Variants in SHLD1 observed in about 807,000 individuals in gnomAD.
SHLD1 encodes the protein shieldin complex subunit 1, also known as RINN1-REV7-interacting novel NHEJ regulator 3.
SHLD1 carries 3 observed loss-of-function variants against 5.5 expected under a neutral mutation model. The ratio of observed to expected loss-of-function variants is 0.54; its 90% CI spans 0.25 to 1.40. The LOEUF is 1.40. SHLD1 is among the 40% of genes most tolerant of loss of function. SHLD1 has a pLI of 0.15. For missense variants in SHLD1, 210 were observed against 244.4 expected, an observed-to-expected ratio of 0.86 and a Z score of 0.94; for synonymous variants, 92 against 94.3, an observed-to-expected ratio of 0.98 and a Z score of 0.14.
At chr20:5,854,202 C>T (rs1411121631) in intron 2 of SHLD1, among the ~76,000 whole-genome samples, 1 of 152,098 alleles carries the variant, frequency 6.6e-6, no homozygotes, top group Non-Finnish European at 1.5e-5. Context: ...GATGGGGTTT[C>T]ACCATGTTGG....
chr20:5,842,580 T>C lies in SHLD1; in HGVS notation c.179-20444T>C, dbSNP rs140712584. ...CACCCATTAACTCGTTGTCTCATTG[T>C]GCATTGCCTTTCCTTCGTTCTCTCT... On this transcript the variant is annotated intron_variant, in intron 2 of 2. Transcript: ENST00000303142. 1.4e-3 allele frequency among the ~76,000 whole-genome samples: 216 copies of C among 152,390 alleles called. 2 individuals are homozygous for C. Among genetic ancestry groups the C allele is most frequent in the Non-Finnish European group, 7.5e-4 (51 of 68,044 alleles).
intron 2 of SHLD1, among the ~76,000 whole-genome samples, chr20:5,777,882 G>T (rs569341493): frequency 6.6e-6 from 1 of 152,204 alleles, no homozygotes; most frequent in East Asian, 1.9e-4. Flanking sequence ...AGAGGTGGAA[G>T]GAGTTTTAGG....
rs372221116 is a variant in SHLD1 at position 5,811,840 on chromosome 20, T to G, written c.178+38797T>G. Among the ~76,000 whole-genome samples, 21 of 148,102 alleles carry G rather than the reference T, an allele frequency of 1.4e-4. No homozygotes were observed. In the East Asian group the frequency reaches 4.2e-3, roughly 30 times the overall value. ...CACTGCACTCCAGCCTGGGCAACAA[T>G]GTGAAACTGTGTCTCTGAAAAAAAA... is the stretch of plus-strand genomic sequence containing the variant. On this transcript the variant is annotated intron_variant, in intron 2 of 2. Coordinates refer to ENST00000303142, the MANE Select transcript of SHLD1 (RefSeq NM_152504.4).
chr20:5,813,216 T>C (rs960579986), intron 2 of SHLD1, among the ~76,000 whole-genome samples: 6 of 151,746 alleles, frequency 4.0e-5, no homozygotes, highest in Non-Finnish European at 7.4e-5. Context: ...GGCTGGGTGC[T>C]GTGGCTCACG....
chr20:5,852,323 A>G (rs2088021299), intron 2 of SHLD1, among the ~76,000 whole-genome samples: 7 of 152,168 alleles, frequency 4.6e-5, no homozygotes, highest in Admixed American at 4.6e-4. Context: ...CCAGTGCTAC[A>G]TATGGCTAGT....
intron 2 of SHLD1, among the ~76,000 whole-genome samples, chr20:5,822,903 ATG>A (rs1019459211): frequency 2.6e-5 from 4 of 151,548 alleles, no homozygotes; most frequent in African/African-American, 9.7e-5. Context: ...GCTATGAAAG[ATG>A]TGTCTTATTT....
At position 5,857,787 on chromosome 20, in the gene SHLD1, G is replaced by A. The variant is rs527327631; in HGVS notation, c.179-5237G>A. On this transcript the variant is annotated intron_variant, in intron 2 of 2. Coordinates refer to ENST00000303142, the MANE Select transcript of SHLD1 (RefSeq NM_152504.4). Reference sequence around the variant, plus strand: ...TTGCGCCATGGCACTCCAACCTGGGGACAACAGAGCAAAACCCTGTCTAAA... The same window carrying A: ...TTGCGCCATGGCACTCCAACCTGGGAACAACAGAGCAAAACCCTGTCTAAA... Among the ~76,000 whole-genome samples the A allele has an allele frequency of 3.3e-5, 5 of 151,372 alleles. No homozygotes were observed. In the East Asian group the frequency reaches 9.8e-4, roughly 30 times the overall value.
At chr20:5,791,876 C>T (rs968454286) in intron 2 of SHLD1, among the ~76,000 whole-genome samples, 2 of 152,146 alleles carry the variant, frequency 1.3e-5, no homozygotes, top group African/African-American at 4.8e-5. Context: ...TTATTTTCTG[C>T]TTTTTTGATA....
In SHLD1 at chr20:5,770,004, C is replaced by CAA. The variant is rs113692130; in HGVS notation, c.-4-2837_-4-2836dup. 3.1e-3 allele frequency among the ~76,000 whole-genome samples: 167 copies of CAA among 54,234 alleles called. 1 individual carries two copies. The highest frequency in any genetic ancestry group is 6.1e-3 in the South Asian group (9 of 1,480). The allele number at this position is 54,234 out of a possible 152,430, so 35.6% of individuals were successfully genotyped here. ...GGGCAACAAGAGTGAAACTCCTTCT[C>CAA]AAAAAAAAAAAAAAAAAAAAAAGGA... is the stretch of plus-strand genomic sequence containing the variant. On this transcript the variant is annotated intron_variant, in intron 1 of 2. Coordinates refer to ENST00000303142, the MANE Select transcript of SHLD1 (RefSeq NM_152504.4).
At position 5,863,430 on chromosome 20, in the gene SHLD1, C is replaced by A; in HGVS notation, c.585C>A (p.Phe195Leu). The stretch of plus-strand genomic sequence containing the variant: ...GACTGTCAAAGGATATTACTCATTT[C>A]CTCTTGCAGCAGAATGTAATGAAAG... ...NPGLSKDITH[F>L]LLQQNVMKDL The change falls in exon 3 of 3, where the codon TTC becomes TTA. Residue 195 changes from phenylalanine (F) to leucine (L), a missense_variant. Physicochemically the swap from Phe to Leu is conservative, Grantham distance 22. Coordinates refer to ENST00000303142, the MANE Select transcript of SHLD1 (RefSeq NM_152504.4). The A allele has an allele frequency of 1.2e-6, 2 of 1,609,194 alleles. No homozygotes were observed. The highest frequency in any genetic ancestry group is 8.5e-7 in the Non-Finnish European group (1 of 1,177,786).
intron 2 of SHLD1, among the ~76,000 whole-genome samples, chr20:5,847,587 A>C (rs34840424): frequency 0.072 from 10,993 of 152,300 alleles, 640 homozygotes; most frequent in East Asian, 0.28. Context: ...GAAAAAAAGT[A>C]GGAACATGGT....
chr20:5,800,237 A>ATGCTGTCTTGGAAGTT (rs2087272523), intron 2 of SHLD1, among the ~76,000 whole-genome samples: 1 of 152,228 alleles, frequency 6.6e-6, no homozygotes, highest in African/African-American at 2.4e-5. Flanking sequence ...GATTCTTCCC[A>ATGCTGTCTTGGAAGTT]CACTGTCTTG....
intron 2 of SHLD1, among the ~76,000 whole-genome samples, chr20:5,817,022 T>C (rs2087539027): frequency 6.6e-6 from 1 of 152,166 alleles, no homozygotes. Context: ...TGAGCCGAGA[T>C]TGTGCCACTG....
intron 2 of SHLD1, among the ~76,000 whole-genome samples, chr20:5,817,104 T>C (rs1452301025): frequency 6.6e-6 from 1 of 152,104 alleles, no homozygotes; most frequent in Non-Finnish European, 1.5e-5. Context: ...ACCTTGAGGA[T>C]ATTTATAATA....
In SHLD1 at chr20:5,817,571, G is replaced by T. The variant is rs185117663; in HGVS notation, c.178+44528G>T. Reference sequence around the variant, plus strand: ...GTAGCTAGTTTAGCTTGCTACCAAGGTTTAGCCTTTCTGGGTCTGTACTGA... The same window carrying T: ...GTAGCTAGTTTAGCTTGCTACCAAGTTTTAGCCTTTCTGGGTCTGTACTGA... On this transcript the variant is annotated intron_variant, in intron 2 of 2. Transcript: ENST00000303142. Among the ~76,000 whole-genome samples the T allele has an allele frequency of 9.2e-5, 14 of 151,874 alleles. No individual in the cohort carries two copies. The East Asian group carries it at 1.9e-3, about 21-fold the overall frequency.
intron 2 of SHLD1, among the ~76,000 whole-genome samples, chr20:5,786,972 A>G (rs1345808365): frequency 2.6e-5 from 4 of 152,212 alleles, no homozygotes; most frequent in Non-Finnish European, 5.9e-5. Context: ...CTGCTGTTGT[A>G]GAAATATGAA....
upstream of SHLD1, chr20:5,750,292 T>C (rs2122148414): frequency 6.6e-6 from 1 of 152,298 alleles, no homozygotes; most frequent in Middle Eastern, 3.4e-3. Flanking sequence ...TCAGTCAACA[T>C]GGCCGCGACC....
intron 2 of SHLD1, among the ~76,000 whole-genome samples, chr20:5,827,469 G>T (rs1053300471): frequency 6.6e-6 from 1 of 152,170 alleles, no homozygotes; most frequent in Admixed American, 6.5e-5. Flanking sequence ...TCTGCACAGT[G>T]CCCTATGGCA....
rs372511537 is a variant in SHLD1 at position 5,839,130 on chromosome 20, G to A, written c.179-23894G>A. Among the ~76,000 whole-genome samples the A allele has an allele frequency of 5.3e-5, 8 of 152,244 alleles. No homozygotes were observed. In the East Asian group the frequency reaches 1.2e-3, roughly 22 times the overall value. On this transcript the variant is annotated intron_variant, in intron 2 of 2. Transcript: ENST00000303142. ...CTTTAATTTCTTTAGATTTAATGACGTACCTTTGTCATGTACTTAATCTTC... is the reference window on the plus strand; with the variant it reads ...CTTTAATTTCTTTAGATTTAATGACATACCTTTGTCATGTACTTAATCTTC...
Sources: allele counts gnomAD v4.1 joint callset (sites outside exome capture counted in the v4.1 genomes callset), GRCh38; gene constraint gnomAD v4.1.1; transcripts MANE v1.5; gene names NCBI Gene and HGNC (gene_info 2026-07-23, HGNC 2026-07-21).